CA5A: variants seen among roughly 807,000 people sequenced by gnomAD.
The protein encoded by CA5A is carbonic anhydrase 5A.
CA5A carries 28 observed loss-of-function variants against 37.1 expected under a neutral mutation model. That is an observed-to-expected ratio of 0.75 (90% CI 0.56 to 1.03). CA5A has a LOEUF of 1.03. CA5A is among the 50% of genes least tolerant of loss of function. The probability of loss-of-function intolerance (pLI) is 0.00; values close to 1 mark genes in which losing one functional copy is unlikely to be tolerated. For synonymous variants in CA5A, 171 were observed against 158.4 expected (o/e 1.08, Z -0.60); for missense variants, 444 against 399.9 (o/e 1.11, Z -0.94).
At chr16:87,916,315 T>C (rs1326286624) in intron 2 of CA5A, among the ~76,000 whole-genome samples, 2 of 152,178 alleles carry the variant, frequency 1.3e-5, no homozygotes, top group Non-Finnish European at 2.9e-5. Context: ...ACCCCATTTT[T>C]ACACTACACT....
intron 6 of CA5A, among the ~76,000 whole-genome samples, chr16:87,888,705 C>A (rs576293308): frequency 4.7e-4 from 72 of 152,224 alleles, no homozygotes; most frequent in Admixed American, 1.4e-3. Context: ...CCAGAGCCAC[C>A]CAAATTCACA....
At chr16:87,933,604 A>C (rs1020168524) in intron 1 of CA5A, among the ~76,000 whole-genome samples, 2 of 151,304 alleles carry the variant, frequency 1.3e-5, no homozygotes, top group Admixed American at 1.3e-4. Flanking sequence ...GCTGATCTTG[A>C]ACTCCTGTGC....
intron 2 of CA5A, among the ~76,000 whole-genome samples, chr16:87,919,580 G>A (rs1255592378): frequency 1.3e-5 from 2 of 152,170 alleles, no homozygotes; most frequent in Non-Finnish European, 2.9e-5. Context: ...GAGCCTGGGG[G>A]AGCACTCAGA....
intron 2 of CA5A, among the ~76,000 whole-genome samples, chr16:87,914,974 C>T (rs953138250): frequency 2.6e-5 from 4 of 152,308 alleles, no homozygotes; most frequent in Admixed American, 1.3e-4. Context: ...CGCCGGGCAC[C>T]GAGTTGACGG....
intron 2 of CA5A, among the ~76,000 whole-genome samples, chr16:87,912,700 G>A (rs1399804899): frequency 2.0e-5 from 3 of 152,246 alleles, no homozygotes; most frequent in African/African-American, 7.2e-5. Context: ...GGGCTTTGGG[G>A]CCCTAAACTT....
intron 2 of CA5A, among the ~76,000 whole-genome samples, chr16:87,923,195 G>A (rs1047010262): frequency 7.2e-5 from 11 of 152,128 alleles, no homozygotes; most frequent in African/African-American, 2.2e-4. Context: ...AGATGGCAGC[G>A]CTTTTTTTCC....
chr16:87,886,142 A>AG (rs1363991855), downstream of CA5A: 2 of 125,652 alleles, frequency 1.6e-5, no homozygotes, highest in African/African-American at 2.9e-5. Flanking sequence ...TTCTGGATCA[A>AG]GTTTTTTTTT....
intron 1 of CA5A, among the ~76,000 whole-genome samples, chr16:87,929,699 G>A (rs192916001): frequency 4.0e-5 from 6 of 150,518 alleles, no homozygotes; most frequent in Non-Finnish European, 8.9e-5. Flanking sequence ...CGTGAAACCC[G>A]GTCTCTACTA....
rs551352205 is a variant in CA5A at position 87,893,360 on chromosome 16, C to T, written c.619-1406G>A. ...GTCAGGATGGTCTCGATCTCCTGAC[C>T]TCGTGATCTGCCCACCTCGGCCTCC... is the stretch of plus-strand genomic sequence containing the variant. On this transcript the variant is annotated intron_variant, in intron 5 of 6. Transcript: ENST00000649794. 258 of 417,204 alleles carry T rather than the reference C, an allele frequency of 6.2e-4. 1 individual carries two copies. Among genetic ancestry groups the T allele is most frequent in the Non-Finnish European group, 6.6e-4 (140 of 211,966 alleles). The allele number at this position is 417,204 out of a possible 1,614,324, so 25.8% of individuals were successfully genotyped here.
At chr16:87,928,864 G>T (rs1162181355) in intron 1 of CA5A, among the ~76,000 whole-genome samples, 1 of 142,628 alleles carries the variant, frequency 7.0e-6, no homozygotes, top group South Asian at 2.2e-4. Context: ...TGCCTCCCAG[G>T]TTCAAGTGGT....
chr16:87,905,773 T>G (rs2055952307), intron 2 of CA5A, among the ~76,000 whole-genome samples: 1 of 152,228 alleles, frequency 6.6e-6, no homozygotes, highest in Non-Finnish European at 1.5e-5. Context: ...CACTCCTTCC[T>G]TCCTAAGTCA....
chr16:87,918,193 T>C (rs1278640757), intron 2 of CA5A, among the ~76,000 whole-genome samples: 1 of 152,224 alleles, frequency 6.6e-6, no homozygotes, highest in Non-Finnish European at 1.5e-5. Flanking sequence ...GTCTACTAAA[T>C]GCTTAATTCT....
chr16:87,916,175 A>C lies in CA5A; in HGVS notation c.340+10573T>G, dbSNP rs547647928. ...AGAGCAAGACTCCGTCTCAAAAAAA[A>C]AAAAAACAAAAAACCATCGGATTGG... On this transcript the variant is annotated intron_variant, in intron 2 of 6. Coordinates refer to ENST00000649794, the MANE Select transcript of CA5A (RefSeq NM_001739.2). 1.1e-4 allele frequency among the ~76,000 whole-genome samples: 16 copies of C among 142,102 alleles called. No individual in the cohort carries two copies. In the South Asian group the frequency reaches 1.7e-3, roughly 15 times the overall value. The allele number at this position is 142,102 out of a possible 152,430, so 93.2% of individuals were successfully genotyped here. A position where few individuals can be genotyped will look rare whatever the true frequency, so the allele number is the denominator to read the frequency against.
rs563163400 is a variant in CA5A at position 87,894,948 on chromosome 16, C to A, written c.619-2994G>T. On this transcript the variant is annotated intron_variant, in intron 5 of 6. Transcript: ENST00000649794. ...AGAATTCACATACCATGCAACTCTCCCATCTAAAGTGTACAGCCTGGTTGG... is the reference window on the plus strand; with the variant it reads ...AGAATTCACATACCATGCAACTCTCACATCTAAAGTGTACAGCCTGGTTGG... Among the ~76,000 whole-genome samples, 55 of 152,234 alleles carry A rather than the reference C, an allele frequency of 3.6e-4. 1 individual carries two copies. The highest frequency in any genetic ancestry group is 6.8e-3 in the Middle Eastern group (2 of 294).
At chr16:87,930,611 C>T (rs777432447) in intron 1 of CA5A, among the ~76,000 whole-genome samples, 4 of 152,032 alleles carry the variant, frequency 2.6e-5, no homozygotes, top group Non-Finnish European at 5.9e-5. Context: ...CCCTGTCAGG[C>T]TGGGTGGGGA....
chr16:87,893,022 G>C (rs2055746506), intron 5 of CA5A: 3 of 1,233,732 alleles, frequency 2.4e-6, no homozygotes, highest in Non-Finnish European at 3.5e-6. Context: ...GGAGATGGCA[G>C]ACAAGAATGT....
In CA5A at chr16:87,926,821, C is replaced by T. The variant is rs377436710; in HGVS notation, c.267G>A (p.Ala89=). 45 of 1,614,068 alleles carry T rather than the reference C, an allele frequency of 2.8e-5. No homozygotes were observed. Among genetic ancestry groups the T allele is most frequent in the African/African-American group, 9.3e-5 (7 of 74,954 alleles). ...TGTTCCAGATGTACAGGCAGGATGC[C>T]GCTTCATAGGAGACCCTGAGTGGCT... ...QLKPLRVSYE[A]ASCLYIWNTG... The change falls in exon 2 of 7, where the codon GCG becomes GCA. Residue 89 remains alanine (A), a synonymous_variant. Coordinates refer to ENST00000649794, the MANE Select transcript of CA5A (RefSeq NM_001739.2).
chr16:87,882,023 G>A (rs1047084162), intron 4 of CA5A: 7 of 152,340 alleles, frequency 4.6e-5, no homozygotes, highest in Admixed American at 2.0e-4. Context: ...CATGGGGCCG[G>A]TAGAACTGGA....
intron 2 of CA5A, among the ~76,000 whole-genome samples, chr16:87,910,559 C>T (rs1467839473): frequency 6.6e-6 from 1 of 152,052 alleles, no homozygotes. Flanking sequence ...AGGCTGCAGA[C>T]CTGGATAAAA....
Sources: allele counts gnomAD v4.1 joint callset (sites outside exome capture counted in the v4.1 genomes callset), GRCh38; gene constraint gnomAD v4.1.1; transcripts MANE v1.5; gene names NCBI Gene and HGNC (gene_info 2026-07-23, HGNC 2026-07-21).